The following TRMT61A variants were observed in gnomAD, a reference collection of about 807,000 sequenced individuals.
TRMT61A encodes tRNA (adenine(58)-N(1))-methyltransferase catalytic subunit TRMT61A.
In TRMT61A, 15 loss-of-function variants were observed where a neutral mutation model predicts 21.3. The observed-to-expected ratio is 0.70, with a 90% confidence interval of 0.47 to 1.08. The LOEUF (loss-of-function observed/expected upper bound fraction) is 1.08. Among genes scored for constraint, TRMT61A ranks in the 50% least tolerant of loss-of-function variants. The pLI is 0.00. For synonymous variants in TRMT61A, 183 were observed against 185.5 expected, an observed-to-expected ratio of 0.99 and a Z score of 0.11; for missense variants, 352 against 426.7, an observed-to-expected ratio of 0.83 and a Z score of 1.54.
chr14:103,533,382 T>C (rs1566966159), intron 3 of TRMT61A, among the ~76,000 whole-genome samples: 2 of 152,060 alleles, frequency 1.3e-5, no homozygotes, highest in East Asian at 3.9e-4. Context: ...TCTGAGAGGG[T>C]TGAAGGGTGG....
chr14:103,529,807 AGGCAGT>A, intron 1 of TRMT61A, 137 bp from the exon 2 acceptor site: 1 of 628,776 alleles, frequency 1.6e-6, no homozygotes, highest in Non-Finnish European at 2.7e-6. Flanking sequence ...GCTCCCTGTC[AGGCAGT>A]GGCAGAGACT....
chr14:103,532,016 C>T (rs1347624501), intron 2 of TRMT61A, among the ~76,000 whole-genome samples: 1 of 151,580 alleles, frequency 6.6e-6, no homozygotes. Context: ...CTGAGTCCAA[C>T]CAGGCCAGGG....
chr14:103,532,770 G>A lies in TRMT61A; in HGVS notation c.520G>A (p.Val174Met), dbSNP rs573048606. Reference sequence around the variant, plus strand: ...CCGCAGTGGCTTTGGCGTGAGCCACGTGGCCGACGCCGTCTTCCTGGACAT... The same window carrying A: ...CCGCAGTGGCTTTGGCGTGAGCCACATGGCCGACGCCGTCTTCCTGGACAT... ...VCRSGFGVSH[V>M]ADAVFLDIPS... The change falls in exon 3 of 4, where the codon GTG becomes ATG. Residue 174 changes from valine (V) to methionine (M), a missense_variant. Physicochemically the swap from Val to Met is conservative, Grantham distance 21. Coordinates refer to ENST00000389749, the MANE Select transcript of TRMT61A (RefSeq NM_152307.3). 19 of 1,581,426 alleles carry A rather than the reference G, an allele frequency of 1.2e-5. No individual in the cohort carries two copies. The highest frequency in any genetic ancestry group is 1.0e-4 in the South Asian group (9 of 87,462).
intron 2 of TRMT61A, 120 bp downstream of exon 2, chr14:103,530,429 T>C: frequency 1.1e-6 from 1 of 909,920 alleles, no homozygotes; most frequent in South Asian, 1.8e-5. Flanking sequence ...TTCACATCTT[T>C]CCGGGATGCT....
In TRMT61A at chr14:103,530,219, C is replaced by T; in HGVS notation, c.241C>T (p.Pro81Ser). Reference protein sequence around the residue: ...PTPELWTLNLPHRTQILYSTD... With the variant: ...PTPELWTLNLSHRTQILYSTD... ...GCCCGAGCTCTGGACGCTGAACCTG[C>T]CGCACCGCACGCAGATCCTCTACTC... The change falls in exon 2 of 4, where the codon CCG becomes TCG. Residue 81 changes from proline (P) to serine (S), a missense_variant. Physicochemically the swap from Pro to Ser is moderately conservative, Grantham distance 74. Transcript: ENST00000389749. The T allele has an allele frequency of 6.2e-7, 1 of 1,611,988 alleles. No individual in the cohort carries two copies. The highest frequency in any genetic ancestry group is 8.5e-7 in the Non-Finnish European group (1 of 1,179,068).
intron 1 of TRMT61A, among the ~76,000 whole-genome samples, chr14:103,529,706 C>T (rs1000833590): frequency 3.3e-5 from 5 of 152,266 alleles, no homozygotes; most frequent in Non-Finnish European, 5.9e-5. Flanking sequence ...AAGCCTCAGT[C>T]TTTTCATCTC....
rs2075953142 is a variant in TRMT61A at position 103,531,257 on chromosome 14, G to A, written c.331+948G>A. Among the ~76,000 whole-genome samples the A allele has an allele frequency of 6.6e-6, 1 of 152,224 alleles. No homozygotes were observed. The highest frequency in any genetic ancestry group is 6.5e-5 in the Admixed American group (1 of 15,288). Reference sequence around the variant, plus strand: ...GGTGAGCATCTCAGTGCCGCTGGTTGCTGTGAAGCCTGTGAGACAGGGCTG... The same window carrying A: ...GGTGAGCATCTCAGTGCCGCTGGTTACTGTGAAGCCTGTGAGACAGGGCTG... On this transcript the variant is annotated intron_variant, in intron 2 of 3. Coordinates refer to ENST00000389749, the MANE Select transcript of TRMT61A (RefSeq NM_152307.3). The surrounding 1 kb of genome is among the most constrained non-coding windows in gnomAD (Gnocchi z 5.1).
rs530110551 is a variant in TRMT61A, at chr14:103,529,338, C to T, written c.-30+77C>T. 170 of 208,354 alleles carry T rather than the reference C, an allele frequency of 8.2e-4. 5 individuals are homozygous for T. In the East Asian group the frequency reaches 0.022, roughly 27 times the overall value. 12.9% of individuals were successfully genotyped at this position (208,354 alleles called of 1,614,324 possible). ...GCCGGGCACGGCGCGCAGGGCCTGT[C>T]CCTCCAGCCTCGCATGGGCGGCCCC... On this transcript the variant is annotated intron_variant, in intron 1 of 3. Transcript: ENST00000389749.
In TRMT61A at chr14:103,535,122, G is replaced by C. The variant is rs958444540; in HGVS notation, c.*301G>C. ...GGTGTTGAAGCCAAAGGGTGCAGGT[G>C]GGGGAGTCTGACCCCCTCCCAGGTG... On this transcript the variant is annotated 3_prime_UTR_variant, in exon 4 of 4. Coordinates refer to ENST00000389749, the MANE Select transcript of TRMT61A (RefSeq NM_152307.3). 4.7e-6 allele frequency: 3 copies of C among 632,140 alleles called. No individual in the cohort carries two copies. The highest frequency in any genetic ancestry group is 8.8e-6 in the Non-Finnish European group (3 of 339,134). 39.2% of individuals were successfully genotyped at this position (632,140 alleles called of 1,614,324 possible).
chr14:103,530,337 A>C, intron 2 of TRMT61A, 28 bp downstream of exon 2: 1 of 1,552,880 alleles, frequency 6.4e-7, no homozygotes, highest in Non-Finnish European at 8.8e-7. Context: ...CCTCAGTTTA[A>C]CGCAGAAATT....
intron 3 of TRMT61A, among the ~76,000 whole-genome samples, chr14:103,533,984 C>A (rs531191177): frequency 1.3e-4 from 20 of 152,340 alleles, no homozygotes; most frequent in African/African-American, 4.6e-4. Flanking sequence ...CCCAGGTCCT[C>A]CCTGCCAGGA....
In TRMT61A at chr14:103,534,858, C is replaced by T; in HGVS notation, c.*37C>T. ...CCAGGGCACCAGGGAGCTGGGAGCA[C>T]TGAAGGGCTGGGCAGGGAGGCCAGA... On this transcript the variant is annotated 3_prime_UTR_variant, in exon 4 of 4. Transcript: ENST00000389749. The T allele has an allele frequency of 1.3e-6, 2 of 1,532,156 alleles. No individual in the cohort carries two copies. The highest frequency in any genetic ancestry group is 1.4e-5 in the African/African-American group (1 of 73,218). The allele number at this position is 1,532,156 out of a possible 1,614,324, so 94.9% of individuals were successfully genotyped here. A position where few individuals can be genotyped will look rare whatever the true frequency, so the allele number is the denominator to read the frequency against.
chr14:103,529,642 G>A (rs2075946721), intron 1 of TRMT61A, among the ~76,000 whole-genome samples: 1 of 152,258 alleles, frequency 6.6e-6, no homozygotes, highest in African/African-American at 2.4e-5. Context: ...GAAGGGTGAT[G>A]GGAGGGTCGG....
In TRMT61A at chr14:103,529,973, A is replaced by G; in HGVS notation, c.-6A>G. On this transcript the variant is annotated 5_prime_UTR_variant, in exon 2 of 4. Transcript: ENST00000389749. Reference sequence around the variant, plus strand: ...AGGTCCTTGGCCCTTGCCAGACATTAGCACCATGAGCTTCGTGGCATACGA... The same window carrying G: ...AGGTCCTTGGCCCTTGCCAGACATTGGCACCATGAGCTTCGTGGCATACGA... The G allele has an allele frequency of 6.2e-7, 1 of 1,602,496 alleles. No individual in the cohort carries two copies.
chr14:103,534,618 C>T lies in TRMT61A; in HGVS notation c.667C>T (p.Arg223Cys), dbSNP rs201492241. 79 of 1,606,848 alleles carry T rather than the reference C, an allele frequency of 4.9e-5. No individual in the cohort carries two copies. In the African/African-American group the frequency reaches 6.1e-4, roughly 12 times the overall value. Residue 223 changes from arginine to cysteine, a missense_variant, in exon 4 of 4, where the codon CGC (arginine) becomes TGC (cysteine). Coordinates refer to ENST00000389749, the MANE Select transcript of TRMT61A (RefSeq NM_152307.3). ...VQRTCQALAARGFSELSTLEV... is the reference protein window; with the variant it reads ...VQRTCQALAACGFSELSTLEV... ...ACGCACATGCCAGGCGCTGGCAGCG[C>T]GCGGCTTCTCAGAGCTGAGCACCCT...
chr14:103,534,835 A>G lies in TRMT61A; in HGVS notation c.*14A>G. ...ACCCCAGGCTAGGGGGCCGCCTCCC[A>G]GGGCACCAGGGAGCTGGGAGCACTG... On this transcript the variant is annotated 3_prime_UTR_variant, in exon 4 of 4. Coordinates refer to ENST00000389749, the MANE Select transcript of TRMT61A (RefSeq NM_152307.3). 2 of 1,538,298 alleles carry G rather than the reference A, an allele frequency of 1.3e-6. No homozygotes were observed. Among genetic ancestry groups the G allele is most frequent in the Non-Finnish European group, 8.7e-7 (1 of 1,144,700 alleles).
chr14:103,531,011 T>C lies in TRMT61A; in HGVS notation c.331+702T>C, dbSNP rs2075952296. 6.6e-6 allele frequency among the ~76,000 whole-genome samples: 1 copy of C among 152,162 alleles called. No homozygotes were observed. Among genetic ancestry groups the C allele is most frequent in the South Asian group, 2.1e-4 (1 of 4,826 alleles). On this transcript the variant is annotated intron_variant, in intron 2 of 3. Coordinates refer to ENST00000389749, the MANE Select transcript of TRMT61A (RefSeq NM_152307.3). This position sits in a 1 kb window ranked among gnomAD's most constrained non-coding sequence, Gnocchi z 5.1. ...TCACCATGTCCCTCCCTGGGGTGTC[T>C]GGGTGGGAGGGGTGGAGAGCAGGAC...
intron 3 of TRMT61A, among the ~76,000 whole-genome samples, chr14:103,534,226 C>T (rs573212950): frequency 6.6e-6 from 1 of 152,388 alleles, no homozygotes; most frequent in Non-Finnish European, 1.5e-5. Context: ...CTCCAGCAGC[C>T]CTGTGGAAGG....
In TRMT61A at chr14:103,532,598, T is replaced by C; in HGVS notation, c.348T>C (p.Ser116=). 6.2e-7 allele frequency: 1 copy of C among 1,613,382 alleles called. No homozygotes were observed. Among genetic ancestry groups the C allele is most frequent in the Non-Finnish European group, 8.5e-7 (1 of 1,180,006 alleles). ...TCCTGCCAGGCACCGGCAGTGGCTC[T>C]GTGTCCCACGCCATCATCCGCACCA... ...VVCESGTGSG[S]VSHAIIRTIA... is the part of the protein sequence containing the mutation. The change falls in exon 3 of 4, where the codon TCT becomes TCC. Residue 116 remains serine (S), a synonymous_variant. Transcript: ENST00000389749.
Sources: gnomAD v4.1 joint callset for allele counts (sites outside exome capture counted in the v4.1 genomes callset) on GRCh38, gnomAD v4.1.1 for gene constraint, Gnocchi (gnomAD v3.1) non-coding constraint, MANE v1.5 for transcripts, NCBI Gene and HGNC (gene_info 2026-07-23, HGNC 2026-07-21) for gene names.